KAZN: variants seen among roughly 807,000 people sequenced by gnomAD.
The protein encoded by KAZN is kazrin, periplakin interacting protein, also known as kazrin.
Under a neutral mutation model 87.4 loss-of-function variants are expected in KAZN, and 40 were observed. That is an observed-to-expected ratio of 0.46 (90% confidence interval 0.36 to 0.60). The LOEUF (loss-of-function observed/expected upper bound fraction) is 0.60. Ranked by LOEUF, KAZN falls within the 20% of genes least tolerant of loss-of-function variation. The pLI, the probability that KAZN is intolerant of heterozygous loss-of-function variation, is 0.00. For missense variants in KAZN, 898 were observed against 1,073.9 expected (o/e 0.84, Z 2.29); for synonymous variants, 466 against 458.3 (o/e 1.02, Z -0.22).
intron 8 of KAZN, among the ~76,000 whole-genome samples, chr1:15,090,072 C>T (rs762569177): frequency 2.0e-5 from 3 of 152,192 alleles, no homozygotes; most frequent in Non-Finnish European, 4.4e-5. Flanking sequence ...CCCATAGCTT[C>T]GCATTCAGAG....
intron 2 of KAZN, among the ~76,000 whole-genome samples, chr1:14,385,476 T>C (rs1228156154): frequency 6.6e-6 from 1 of 152,188 alleles, no homozygotes; most frequent in African/African-American, 2.4e-5. Context: ...CTCCACACAC[T>C]GCTTTGAATG....
intron 2 of KAZN, among the ~76,000 whole-genome samples, chr1:14,558,050 C>T (rs938055414): frequency 2.0e-5 from 3 of 152,240 alleles, no homozygotes; most frequent in Non-Finnish European, 4.4e-5. Context: ...CACAGTGCCA[C>T]TCTTGTGATA....
intron 1 of KAZN, among the ~76,000 whole-genome samples, chr1:14,164,104 T>G (rs1645768442): frequency 1.3e-5 from 2 of 152,264 alleles, no homozygotes; most frequent in South Asian, 4.1e-4. Context: ...AAAATCTGTA[T>G]TTGTTATCTA....
intron 2 of KAZN, among the ~76,000 whole-genome samples, chr1:14,444,837 T>C (rs936559492): frequency 1.3e-5 from 2 of 152,188 alleles, no homozygotes; most frequent in African/African-American, 4.8e-5. Flanking sequence ...TAGCCTCATA[T>C]CTACCCTGAA....
intron 1 of KAZN, among the ~76,000 whole-genome samples, chr1:13,911,260 G>T (rs945578638): frequency 2.0e-5 from 3 of 152,170 alleles, no homozygotes; most frequent in Admixed American, 6.6e-5. Flanking sequence ...TGTTGGCCAG[G>T]CTGGTCTCGA....
At chr1:15,103,126 G>C (rs1040428098) in intron 11 of KAZN, among the ~76,000 whole-genome samples, 8 of 152,242 alleles carry the variant, frequency 5.3e-5, no homozygotes, top group Admixed American at 1.3e-4. Flanking sequence ...AAGCAGCCCG[G>C]TGTGGTGGCA....
chr1:14,745,455 A>G (rs79292615), intron 1 of KAZN, among the ~76,000 whole-genome samples: 1 of 152,092 alleles, frequency 6.6e-6, no homozygotes, highest in Admixed American at 6.5e-5. Context: ...CACCGTGAGA[A>G]TGGGGGGAAG....
chr1:14,664,524 T>C (rs976498260), intron 1 of KAZN, among the ~76,000 whole-genome samples: 2 of 152,274 alleles, frequency 1.3e-5, no homozygotes, highest in South Asian at 4.1e-4. Flanking sequence ...ATTTAGTGAT[T>C]CCTACCTGAT....
rs1484723857 is a variant in KAZN, at chr1:14,560,145, C to T, written c.250-38838C>T. Among the ~76,000 whole-genome samples, 5 of 152,052 alleles carry T rather than the reference C, an allele frequency of 3.3e-5. 1 individual carries two copies. The highest frequency in any genetic ancestry group is 2.6e-4 in the Admixed American group (4 of 15,278). Reference sequence around the variant, plus strand: ...TTTCTTGAAATAAGAAGGTGGCCACCCCATATCTGCCCTCACTGCTTATTT... The same window carrying T: ...TTTCTTGAAATAAGAAGGTGGCCACTCCATATCTGCCCTCACTGCTTATTT... On this transcript the variant is annotated intron_variant, in intron 2 of 16. Transcript: ENST00000636203.
rs188049076 is a variant in KAZN, at chr1:14,960,129, A to G, written c.227-555A>G. On this transcript the variant is annotated intron_variant, in intron 1 of 14. Coordinates refer to ENST00000376030, the MANE Select transcript of KAZN (RefSeq NM_201628.3). Reference sequence around the variant, plus strand: ...ATGTGTTTTGCAAAATGTGTTGAATATGCCTTTCTATGGCTGTTTCCCAAG... The same window carrying G: ...ATGTGTTTTGCAAAATGTGTTGAATGTGCCTTTCTATGGCTGTTTCCCAAG... 9.2e-5 allele frequency among the ~76,000 whole-genome samples: 14 copies of G among 152,278 alleles called. No homozygotes were observed. In the East Asian group the frequency reaches 2.3e-3, roughly 25 times the overall value.
intron 1 of KAZN, among the ~76,000 whole-genome samples, chr1:14,774,101 G>A (rs185823844): frequency 9.5e-4 from 145 of 152,268 alleles, no homozygotes; most frequent in Middle Eastern, 6.8e-3. Flanking sequence ...TTCCAGCACC[G>A]ATAGCTCTTA....
intron 1 of KAZN, among the ~76,000 whole-genome samples, chr1:14,157,713 G>A (rs891757104): frequency 6.6e-6 from 1 of 152,002 alleles, no homozygotes; most frequent in Non-Finnish European, 1.5e-5. Context: ...TAGTGTATTA[G>A]TCCATTTTCC....
intron 2 of KAZN, among the ~76,000 whole-genome samples, chr1:14,231,601 C>T (rs764827462): frequency 6.6e-6 from 1 of 152,180 alleles, no homozygotes; most frequent in Non-Finnish European, 1.5e-5. Flanking sequence ...CTGAAGCCCT[C>T]AGCCGATGCA....
At chr1:15,042,836 A>C (rs1673056702) in intron 3 of KAZN, among the ~76,000 whole-genome samples, 1 of 152,204 alleles carries the variant, frequency 6.6e-6, no homozygotes, top group African/African-American at 2.4e-5. Flanking sequence ...CCACGGTCCC[A>C]GGCCACACGG....
At chr1:14,026,887 T>C (rs1193994087) in intron 1 of KAZN, among the ~76,000 whole-genome samples, 1 of 152,024 alleles carries the variant, frequency 6.6e-6, no homozygotes, top group African/African-American at 2.4e-5. Context: ...TGGGGGATCA[T>C]GGAGGAACAG....
At position 14,653,827 on chromosome 1, in the gene KAZN, C is replaced by G. The variant is rs1376937835; in HGVS notation, c.226+54604C>G. Among the ~76,000 whole-genome samples the G allele has an allele frequency of 2.0e-5, 3 of 152,296 alleles. No homozygotes were observed. The South Asian group carries it at 6.2e-4, about 32-fold the overall frequency. Reference sequence around the variant, plus strand: ...GGGTTCTCTAAAATGAATACTTTACCTAAATCAGGCTTTCTCAACTGCAGT... The same window carrying G: ...GGGTTCTCTAAAATGAATACTTTACGTAAATCAGGCTTTCTCAACTGCAGT... On this transcript the variant is annotated intron_variant, in intron 1 of 14. Coordinates refer to ENST00000376030, the MANE Select transcript of KAZN (RefSeq NM_201628.3).
At chr1:14,110,587 GC>G (rs1553129518) in intron 1 of KAZN, among the ~76,000 whole-genome samples, 75 of 78,038 alleles carry the variant, frequency 9.6e-4, no homozygotes, top group Middle Eastern at 7.4e-3. Flanking sequence ...GGTTTTATTT[GC>G]ATGACTTGGA....
intron 1 of KAZN, among the ~76,000 whole-genome samples, chr1:14,822,473 T>C (rs1646761813): frequency 6.6e-6 from 1 of 152,134 alleles, no homozygotes; most frequent in Admixed American, 6.5e-5. Context: ...CACTGGAATT[T>C]CACACAATGC....
At chr1:14,684,869 C>G (rs954177882) in intron 1 of KAZN, among the ~76,000 whole-genome samples, 1 of 152,084 alleles carries the variant, frequency 6.6e-6, no homozygotes, top group Non-Finnish European at 1.5e-5. Flanking sequence ...TTTCAGAGTC[C>G]CTTTTAAATA....
Sources: gnomAD v4.1 joint callset for allele counts (sites outside exome capture counted in the v4.1 genomes callset) on GRCh38, gnomAD v4.1.1 for gene constraint, MANE v1.5 for transcripts, NCBI Gene and HGNC (gene_info 2026-07-23, HGNC 2026-07-21) for gene names.